Variants in ERAP1 observed in about 807,000 individuals in gnomAD.
ERAP1 encodes endoplasmic reticulum aminopeptidase 1, also known as adipocyte-derived leucine aminopeptidase.
A neutral mutation model predicts 103.7 loss-of-function variants in ERAP1; 86 were observed. That is an observed-to-expected ratio of 0.83 (90% CI 0.70 to 0.99). The LOEUF (loss-of-function observed/expected upper bound fraction) is 0.99, where lower values mean the gene tolerates loss of function less well. ERAP1 is among the 50% of genes least tolerant of loss of function. The pLI is 0.00. For synonymous variants in ERAP1, 398 were observed against 402.4 expected (o/e 0.99, Z 0.13); for missense variants, 1,009 against 1,128.4 (o/e 0.89, Z 1.52).
the ERAP1 span, among the ~76,000 whole-genome samples, chr5:96,930,333 C>T: frequency 2.6e-5 from 4 of 152,206 alleles, no homozygotes; most frequent in Admixed American, 2.0e-4. Context: ...ACTCCACCCT[C>T]GGATCATGTT....
In ERAP1 at chr5:96,786,420, C is replaced by A. The variant is rs751248723; in HGVS notation, c.1759+50G>T. The stretch of plus-strand genomic sequence containing the variant: ...AAAGAAACAGCACTTTAATCCTACA[C>A]ATTTTCACATTCCTCCTTGAATTAA... On this transcript the variant is annotated intron_variant, in intron 12 of 18. Coordinates refer to ENST00000443439, the MANE Select transcript of ERAP1 (RefSeq NM_001040458.3). 3 of 1,235,796 alleles carry A rather than the reference C, an allele frequency of 2.4e-6. No homozygotes were observed. The East Asian group carries it at 7.0e-5, about 29-fold the overall frequency. The allele number at this position is 1,235,796 out of a possible 1,614,324, so 76.6% of individuals were successfully genotyped here.
chr5:96,927,744 C>T, the ERAP1 span, among the ~76,000 whole-genome samples: 1 of 152,154 alleles, frequency 6.6e-6, no homozygotes, highest in African/African-American at 2.4e-5. Context: ...TCTTGGCCTC[C>T]CAAAGTGCTG....
the ERAP1 span, among the ~76,000 whole-genome samples, chr5:96,867,098 C>T: frequency 0.017 from 2,651 of 152,044 alleles, 83 homozygotes; most frequent in African/African-American, 0.061. Context: ...CCTCCACCTC[C>T]CAGGTTCAAG....
chr5:96,821,057 T>C, the ERAP1 span, among the ~76,000 whole-genome samples: 4 of 152,212 alleles, frequency 2.6e-5, no homozygotes, highest in Non-Finnish European at 5.9e-5. Context: ...AAATTTGCAG[T>C]GCAGGCTGGC....
chr5:96,792,572 A>T (rs1776852736), intron 7 of ERAP1, among the ~76,000 whole-genome samples: 1 of 152,228 alleles, frequency 6.6e-6, no homozygotes. Context: ...TACCTTTAAA[A>T]ACATAATGAA....
rs370359951 is a variant in ERAP1, at chr5:96,780,374, T to C, written c.2670+49A>G. Reference sequence around the variant, plus strand: ...TTTTGTCTACCCCATATTAATTAGCTAATTTTCATTTATGTTTAAAAATAT... The same window carrying C: ...TTTTGTCTACCCCATATTAATTAGCCAATTTTCATTTATGTTTAAAAATAT... On this transcript the variant is annotated intron_variant, in intron 18 of 18. Coordinates refer to ENST00000443439, the MANE Select transcript of ERAP1 (RefSeq NM_001040458.3). The C allele has an allele frequency of 5.9e-6, 8 of 1,344,930 alleles. No individual in the cohort carries two copies. The East Asian group carries it at 1.0e-4, about 17-fold the overall frequency. The allele number at this position is 1,344,930 out of a possible 1,614,324, so 83.3% of individuals were successfully genotyped here.
the ERAP1 span, among the ~76,000 whole-genome samples, chr5:96,850,743 T>C: frequency 1.6e-4 from 25 of 152,322 alleles, no homozygotes; most frequent in African/African-American, 6.0e-4. Flanking sequence ...TAAATATGTA[T>C]AATTATTGTC....
chr5:96,840,634 TA>T, the ERAP1 span, among the ~76,000 whole-genome samples: 1 of 152,190 alleles, frequency 6.6e-6, no homozygotes, highest in South Asian at 2.1e-4. Flanking sequence ...CCTGAGTGCT[TA>T]AAAAAATGCT....
the ERAP1 span, among the ~76,000 whole-genome samples, chr5:96,854,691 A>G: frequency 3.3e-5 from 5 of 152,174 alleles, no homozygotes; most frequent in Non-Finnish European, 7.4e-5. Context: ...CTAATAAGAA[A>G]TTATGCTATT....
chr5:96,802,325 T>C (rs1285140512), intron 2 of ERAP1, among the ~76,000 whole-genome samples: 1 of 151,994 alleles, frequency 6.6e-6, no homozygotes, highest in Non-Finnish European at 1.5e-5. Flanking sequence ...ATAAAACATC[T>C]TCCCAACATA....
At chr5:96,798,009 A>T (rs26500) in intron 3 of ERAP1, among the ~76,000 whole-genome samples, 1 of 151,966 alleles carries the variant, frequency 6.6e-6, no homozygotes, top group Non-Finnish European at 1.5e-5. Flanking sequence ...TACCTAAAAG[A>T]GCTTCTGTTC....
Position 96,801,207 on chromosome 5 carries a change from C to T in ERAP1, c.525-207G>A, listed in dbSNP as rs912382761. Among the ~76,000 whole-genome samples, 3 of 152,300 alleles carry T rather than the reference C, an allele frequency of 2.0e-5. No homozygotes were observed. The East Asian group carries it at 5.8e-4, about 29-fold the overall frequency. On this transcript the variant is annotated intron_variant, in intron 2 of 18. Coordinates refer to ENST00000443439, the MANE Select transcript of ERAP1 (RefSeq NM_001040458.3). The stretch of plus-strand genomic sequence containing the variant: ...TGGTGTCTCATGCCTGTAATCCTAA[C>T]ACATTTTTGGGAGGTTGAGGTGGGA...
At position 96,779,078 on chromosome 5, in the gene ERAP1, C is replaced by T. The variant is rs1774779760; in HGVS notation, c.2670+1345G>A. On this transcript the variant is annotated intron_variant, in intron 18 of 18. Transcript: ENST00000443439. ...CTCCTAATCATCCTATAAAACAGCA[C>T]CAACCCTCTATCCCAATCACTCTCC... is the stretch of plus-strand genomic sequence containing the variant. 2.6e-5 allele frequency among the ~76,000 whole-genome samples: 4 copies of T among 152,296 alleles called. No homozygotes were observed. In the South Asian group the frequency reaches 8.3e-4, roughly 32 times the overall value.
At chr5:96,916,444 A>G in the ERAP1 span, among the ~76,000 whole-genome samples, 1 of 147,714 alleles carries the variant, frequency 6.8e-6, no homozygotes, top group Non-Finnish European at 1.5e-5. Flanking sequence ...TATTGTTGGT[A>G]ATTCTAGTTA....
At chr5:96,931,405 C>T in the ERAP1 span, among the ~76,000 whole-genome samples, 1 of 152,188 alleles carries the variant, frequency 6.6e-6, no homozygotes, top group Admixed American at 6.5e-5. Context: ...AATCCTCCCA[C>T]CTTGGCCTCC....
At chr5:96,863,057 A>T in the ERAP1 span, among the ~76,000 whole-genome samples, 4 of 151,998 alleles carry the variant, frequency 2.6e-5, no homozygotes, top group Non-Finnish European at 5.9e-5. Context: ...TTTTTTTTAC[A>T]TAAGTATTTC....
chr5:96,908,726 G>A, the ERAP1 span, among the ~76,000 whole-genome samples: 1 of 152,168 alleles, frequency 6.6e-6, no homozygotes, highest in Non-Finnish European at 1.5e-5. Context: ...ACAAGCCTAT[G>A]AGGAAGATAG....
the ERAP1 span, chr5:96,823,104 C>A: frequency 2.2e-6 from 1 of 456,310 alleles, no homozygotes; most frequent in Non-Finnish European, 4.4e-6. Flanking sequence ...TGTGGGATCC[C>A]CCAGCGTGGC....
the ERAP1 span, chr5:96,886,702 A>G: frequency 6.4e-7 from 1 of 1,552,574 alleles, no homozygotes; most frequent in South Asian, 1.2e-5. Flanking sequence ...ATCACTTTGA[A>G]ACTACTGTAA....
Sources: gnomAD v4.1 joint callset for allele counts (sites outside exome capture counted in the v4.1 genomes callset) on GRCh38, gnomAD v4.1.1 for gene constraint, MANE v1.5 for transcripts, NCBI Gene and HGNC (gene_info 2026-07-23, HGNC 2026-07-21) for gene names.